Variants in KIAA1217 observed in about 807,000 individuals in gnomAD.
KIAA1217 encodes sickle tail protein homolog.
A neutral mutation model predicts 163.9 loss-of-function variants in KIAA1217; 88 were observed. The observed-to-expected ratio is 0.54, with a 90% CI of 0.45 to 0.64. KIAA1217 has a LOEUF of 0.64. Ranked by LOEUF, KIAA1217 falls within the 30% of genes least tolerant of loss-of-function variation. The pLI, the probability that KIAA1217 is intolerant of heterozygous loss-of-function variation, is 0.00. For synonymous variants in KIAA1217, 903 were observed against 923.1 expected, an observed-to-expected ratio of 0.98 and a Z score of 0.39; for missense variants, 2,372 against 2,475.0, an observed-to-expected ratio of 0.96 and a Z score of 0.88.
At chr10:24,192,363 TGGGAAAGGATAAG>T (rs376082935) in intron 2 of KIAA1217, among the ~76,000 whole-genome samples, 2 of 152,204 alleles carry the variant, frequency 1.3e-5, no homozygotes, top group African/African-American at 2.4e-5. Context: ...CCTGCTTCAG[TGGGAAAGGATAAG>T]GGGAAAGGAT....
At chr10:24,079,822 T>C (rs1388546530) in intron 2 of KIAA1217, among the ~76,000 whole-genome samples, 1 of 152,184 alleles carries the variant, frequency 6.6e-6, no homozygotes, top group Non-Finnish European at 1.5e-5. Flanking sequence ...ACAACTGAAT[T>C]GAAACACTGG....
At chr10:23,872,658 T>C (rs1261465783) in intron 1 of KIAA1217, among the ~76,000 whole-genome samples, 1 of 152,080 alleles carries the variant, frequency 6.6e-6, no homozygotes, top group Admixed American at 6.6e-5. Context: ...CCTAAGCACT[T>C]TTATGAGCTC....
chr10:24,089,880 T>C (rs1439051884), intron 2 of KIAA1217, among the ~76,000 whole-genome samples: 2 of 151,834 alleles, frequency 1.3e-5, no homozygotes, highest in African/African-American at 4.9e-5. Context: ...AGGTAATTTA[T>C]AGATTCATTG....
chr10:23,731,540 T>C (rs7922876), intron 1 of KIAA1217, among the ~76,000 whole-genome samples: 1,745 of 152,176 alleles, frequency 0.011, 26 homozygotes, highest in African/African-American at 0.036. Context: ...GGTGGAGTCT[T>C]TTGAAAGGGC....
intron 3 of KIAA1217, among the ~76,000 whole-genome samples, chr10:24,430,730 C>T (rs541184371): frequency 3.3e-5 from 5 of 152,238 alleles, no homozygotes; most frequent in South Asian, 2.1e-4. Context: ...GTAGGGTTCA[C>T]GCTCCTATGA....
chr10:24,103,976 AT>A (rs1398038002), intron 2 of KIAA1217, among the ~76,000 whole-genome samples: 1 of 151,958 alleles, frequency 6.6e-6, no homozygotes, highest in East Asian at 1.9e-4. Flanking sequence ...AATGGGTGAT[AT>A]TTTTGGCTGT....
intron 2 of KIAA1217, among the ~76,000 whole-genome samples, chr10:24,277,776 C>A (rs1378063668): frequency 6.6e-6 from 1 of 152,170 alleles, no homozygotes. Flanking sequence ...AAACCTCTTT[C>A]CTTTATAAAT....
rs962575018 is a variant in KIAA1217, at chr10:24,224,955, T to C, written c.354+5046T>C. Among the ~76,000 whole-genome samples, 4 of 150,946 alleles carry C rather than the reference T, an allele frequency of 2.6e-5. No individual in the cohort carries two copies. In the East Asian group the frequency reaches 7.8e-4, roughly 29 times the overall value. On this transcript the variant is annotated intron_variant, in intron 2 of 20. Coordinates refer to ENST00000376454, the MANE Select transcript of KIAA1217 (RefSeq NM_019590.5). ...CATTCTCCTGCCTCAGCCTCCCGAG[T>C]AGCTGGGACTACAGGCGCCCACCAC...
chr10:24,336,163 A>T (rs1297334273), intron 2 of KIAA1217, among the ~76,000 whole-genome samples: 1 of 152,192 alleles, frequency 6.6e-6, no homozygotes, highest in Non-Finnish European at 1.5e-5. Context: ...AATCTCGTGA[A>T]CATGGGGAGG....
rs185203985 is a variant in KIAA1217, at chr10:23,859,855, T to A, written c.-320-147370T>A. 6.1e-3 allele frequency among the ~76,000 whole-genome samples: 932 copies of A among 152,256 alleles called. 9 individuals are homozygous for A. The highest frequency in any genetic ancestry group is 9.4e-3 in the Non-Finnish European group (639 of 68,022). ...ATGACTTTGCTGTGATCCCTCTTTT[T>A]TTTTTTTCTTGGCAGCCAATACAAA... On this transcript the variant is annotated intron_variant, in intron 1 of 18. Transcript: ENST00000376462.
chr10:24,216,915 C>T (rs1258275640), intron 1 of KIAA1217, among the ~76,000 whole-genome samples: 1 of 148,500 alleles, frequency 6.7e-6, no homozygotes, highest in Non-Finnish European at 1.5e-5. Flanking sequence ...ATCTGCGGTC[C>T]CAGCTAGTCA....
chr10:24,076,245 C>T (rs1024955195), intron 2 of KIAA1217, among the ~76,000 whole-genome samples: 5 of 152,296 alleles, frequency 3.3e-5, no homozygotes, highest in East Asian at 1.9e-4. Context: ...TGATACACAG[C>T]GTTTATGCCA....
intron 2 of KIAA1217, among the ~76,000 whole-genome samples, chr10:24,321,892 C>T (rs539231359): frequency 5.3e-5 from 8 of 152,158 alleles, no homozygotes; most frequent in South Asian, 4.2e-4. Flanking sequence ...CTGAACCGGA[C>T]GCTCAAAAAT....
chr10:24,202,125 C>T (rs1294335570), intron 2 of KIAA1217, among the ~76,000 whole-genome samples: 1 of 152,220 alleles, frequency 6.6e-6, no homozygotes, highest in East Asian at 1.9e-4. Flanking sequence ...GCCTTTCATT[C>T]TGTAACATCT....
intron 8 of KIAA1217, among the ~76,000 whole-genome samples, chr10:24,500,463 G>A (rs1398543552): frequency 2.0e-5 from 3 of 151,946 alleles, no homozygotes; most frequent in Non-Finnish European, 4.4e-5. Context: ...CCAGGTACCT[G>A]TATCAATAGA....
chr10:24,098,553 G>T (rs1425451183), intron 2 of KIAA1217, among the ~76,000 whole-genome samples: 10 of 152,082 alleles, frequency 6.6e-5, no homozygotes, highest in Admixed American at 6.6e-4. Context: ...CCTCTGTGGG[G>T]CAGGGTCCAT....
At chr10:23,841,626 T>A (rs1427560753) in intron 1 of KIAA1217, among the ~76,000 whole-genome samples, 2 of 151,894 alleles carry the variant, frequency 1.3e-5, no homozygotes, top group Non-Finnish European at 2.9e-5. Flanking sequence ...AAACCCAACA[T>A]CTGATTCAAA....
chr10:24,260,235 G>C (rs1003834549), intron 2 of KIAA1217, among the ~76,000 whole-genome samples: 1 of 152,124 alleles, frequency 6.6e-6, no homozygotes, highest in African/African-American at 2.4e-5. Flanking sequence ...TGAAGGATGA[G>C]GAAGGGGACC....
chr10:24,502,499 T>C (rs2133999495), intron 9 of KIAA1217, among the ~76,000 whole-genome samples: 1 of 152,236 alleles, frequency 6.6e-6, no homozygotes, highest in Admixed American at 6.5e-5. Context: ...ATCCCGTAAA[T>C]CTGCCAAAGC....
Sources: gnomAD v4.1 joint callset for allele counts (sites outside exome capture counted in the v4.1 genomes callset) on GRCh38, gnomAD v4.1.1 for gene constraint, MANE v1.5 for transcripts, NCBI Gene and HGNC (gene_info 2026-07-23, HGNC 2026-07-21) for gene names.